Variants in PTPN1 observed in about 807,000 individuals in gnomAD.
PTPN1 encodes protein tyrosine phosphatase non-receptor type 1.
In PTPN1, 12 loss-of-function variants were observed where a neutral mutation model predicts 59.9. The observed-to-expected ratio is 0.20, with a 90% CI of 0.13 to 0.32. The LOEUF (loss-of-function observed/expected upper bound fraction) is 0.32. Among genes scored for constraint, PTPN1 ranks in the 10% least tolerant of loss-of-function variants. PTPN1 has a pLI of 1.00. For synonymous variants in PTPN1, 178 were observed against 203.6 expected (o/e 0.87, Z 1.07); for missense variants, 356 against 549.2 (o/e 0.65, Z 3.52).
intron 1 of PTPN1, among the ~76,000 whole-genome samples, chr20:50,551,932 T>C (rs1319577391): frequency 6.6e-6 from 1 of 152,252 alleles, no homozygotes; most frequent in Non-Finnish European, 1.5e-5. Flanking sequence ...TTTTGTTTTC[T>C]CTGTGGAAAT....
chr20:50,518,240 G>A (rs1410210360), intron 1 of PTPN1, among the ~76,000 whole-genome samples: 2 of 152,074 alleles, frequency 1.3e-5, no homozygotes, highest in African/African-American at 2.4e-5. Context: ...ACACTATTGC[G>A]AATTTCTTAC....
At chr20:50,579,984 AAC>A in intron 8 of PTPN1, 58 bp downstream of exon 8, 1 of 1,487,398 alleles carries the variant, frequency 6.7e-7, no homozygotes, top group Non-Finnish European at 9.3e-7. Flanking sequence ...CTGTTCTAGA[AAC>A]ACACGCTGGT....
rs193183879 is a variant in PTPN1, at chr20:50,540,085, C to T, written c.64-21278C>T. 3.9e-3 allele frequency among the ~76,000 whole-genome samples: 588 copies of T among 151,824 alleles called. 3 individuals carry two copies. The highest frequency in any genetic ancestry group is 0.014 in the African/African-American group (561 of 41,414). Reference sequence around the variant, plus strand: ...AAATTTTTTTTTCGAGACAGAGTTTCGCTCTTGTTGCCCAGGCTGGAGTGC... The same window carrying T: ...AAATTTTTTTTTCGAGACAGAGTTTTGCTCTTGTTGCCCAGGCTGGAGTGC... On this transcript the variant is annotated intron_variant, in intron 1 of 9. Transcript: ENST00000371621.
intron 1 of PTPN1, among the ~76,000 whole-genome samples, chr20:50,518,638 T>C (rs1273284251): frequency 4.6e-5 from 7 of 152,190 alleles, no homozygotes; most frequent in Non-Finnish European, 7.3e-5. Context: ...TTGTTGTTGT[T>C]GTCATTGTTT....
At chr20:50,543,429 A>G (rs969366721) in intron 1 of PTPN1, among the ~76,000 whole-genome samples, 2 of 152,194 alleles carry the variant, frequency 1.3e-5, no homozygotes, top group Non-Finnish European at 2.9e-5. Context: ...AACTCTATCT[A>G]ATTATAATAG....
At position 50,530,471 on chromosome 20, in the gene PTPN1, G is replaced by A. The variant is rs140611375; in HGVS notation, c.63+19881G>A. Among the ~76,000 whole-genome samples the A allele has an allele frequency of 8.0e-3, 1,224 of 152,108 alleles. 8 individuals carry two copies. Among genetic ancestry groups the A allele is most frequent in the Middle Eastern group, 0.014 (4 of 294 alleles). On this transcript the variant is annotated intron_variant, in intron 1 of 9. Transcript: ENST00000371621. ...CCTCCTAGGTTCAAGCGAATCTCCT[G>A]CCTCAGCCTCCTGAGTAGCTGGGAC...
At chr20:50,561,867 C>A (rs1456352132) in intron 2 of PTPN1, among the ~76,000 whole-genome samples, 1 of 152,178 alleles carries the variant, frequency 6.6e-6, no homozygotes, top group Non-Finnish European at 1.5e-5. Context: ...CTGTCGTCCC[C>A]TGCGCTGAAT....
At chr20:50,549,282 A>C (rs1387387851) in intron 1 of PTPN1, among the ~76,000 whole-genome samples, 2 of 152,208 alleles carry the variant, frequency 1.3e-5, no homozygotes, top group East Asian at 1.9e-4. Context: ...GTGGGTGTAC[A>C]TCAGAGTGTG....
At chr20:50,569,128 G>A (rs2082793956) in intron 4 of PTPN1, among the ~76,000 whole-genome samples, 1 of 152,148 alleles carries the variant, frequency 6.6e-6, no homozygotes, top group South Asian at 2.1e-4. Context: ...AGTTCATTTT[G>A]TACCATGCTT....
rs539796974 is a variant in PTPN1, at chr20:50,510,408, G to T, written c.-120G>T. 9.4e-7 allele frequency: 1 copy of T among 1,065,900 alleles called. No homozygotes were observed. The highest frequency in any genetic ancestry group is 1.7e-5 in the African/African-American group (1 of 60,054). 66.0% of individuals were successfully genotyped at this position (1,065,900 alleles called of 1,614,324 possible). A position where few individuals can be genotyped will look rare whatever the true frequency, so the allele number is the denominator to read the frequency against. On this transcript the variant is annotated 5_prime_UTR_variant, in exon 1 of 10. Transcript: ENST00000371621. ...ATGAAGAAGCAGCAGCGGCTAGGGC[G>T]GCGGTAGCTGCAGGGGTCGGGGATT...
intron 1 of PTPN1, among the ~76,000 whole-genome samples, chr20:50,532,997 A>G (rs887061416): frequency 4.7e-5 from 7 of 147,850 alleles, no homozygotes; most frequent in African/African-American, 1.7e-4. Flanking sequence ...GTCTGCAGGT[A>G]TTGCCCTGTT....
chr20:50,582,958 TGAAA>T lies in PTPN1; in HGVS notation c.*246_*249del. Reference sequence around the variant, plus strand: ...TCCACAAGCCATTTTTTGAGGAGAGTGAAAGAGAGTACCATGCTGGCGGCGCAGA... The same window carrying T: ...TCCACAAGCCATTTTTTGAGGAGAGTGAGAGTACCATGCTGGCGGCGCAGA... On this transcript the variant is annotated 3_prime_UTR_variant, in exon 10 of 10. Transcript: ENST00000371621. This position sits in a 1 kb window ranked among gnomAD's most constrained non-coding sequence, Gnocchi z 4.2. 5 of 584,374 alleles carry T rather than the reference TGAAA, an allele frequency of 8.6e-6. No homozygotes were observed. Among genetic ancestry groups the T allele is most frequent in the South Asian group, 2.0e-5 (1 of 49,452 alleles). 36.2% of individuals were successfully genotyped at this position (584,374 alleles called of 1,614,324 possible).
intron 1 of PTPN1, among the ~76,000 whole-genome samples, chr20:50,538,996 A>T (rs1451721341): frequency 1.5e-5 from 2 of 130,842 alleles, no homozygotes; most frequent in East Asian, 2.2e-4. Context: ...ACTAGTAAAT[A>T]TTAATGCTCA....
At position 50,510,505 on chromosome 20, in the gene PTPN1, C is replaced by T. The variant is rs780413071; in HGVS notation, c.-23C>T. ...ACGGCGCAGTGGGCCGAGAAGGAGG[C>T]GCAGCAGCCGCCCTGGCCCGTCATG... On this transcript the variant is annotated 5_prime_UTR_variant, in exon 1 of 10. Coordinates refer to ENST00000371621, the MANE Select transcript of PTPN1 (RefSeq NM_002827.4). The T allele has an allele frequency of 4.5e-6, 7 of 1,548,350 alleles. No individual in the cohort carries two copies. Among genetic ancestry groups the T allele is most frequent in the South Asian group, 3.6e-5 (3 of 83,766 alleles).
intron 1 of PTPN1, among the ~76,000 whole-genome samples, chr20:50,524,398 A>AT (rs1355367394): frequency 6.6e-6 from 1 of 152,016 alleles, no homozygotes; most frequent in African/African-American, 2.4e-5. Context: ...ATATGTAAAG[A>AT]TTTTTTAAAA....
intron 1 of PTPN1, among the ~76,000 whole-genome samples, chr20:50,534,985 C>T (rs577255123): frequency 2.6e-5 from 4 of 152,082 alleles, no homozygotes; most frequent in South Asian, 4.1e-4. Context: ...TGCCTTCAGG[C>T]GGTCCTCCTG....
At chr20:50,524,569 C>CTTGTTTTTTTTTTT (rs2082565193) in intron 1 of PTPN1, among the ~76,000 whole-genome samples, 1 of 45,782 alleles carries the variant, frequency 2.2e-5, no homozygotes, top group Non-Finnish European at 3.6e-5. Flanking sequence ...ATTATGTGGT[C>CTTGTTTTTTTTTTT]TTTTTTTTTT....
At chr20:50,542,907 AG>A (rs1417829115) in intron 1 of PTPN1, among the ~76,000 whole-genome samples, 1 of 152,244 alleles carries the variant, frequency 6.6e-6, no homozygotes, top group Non-Finnish European at 1.5e-5. Flanking sequence ...GAAAGAGATA[AG>A]AATACTTTTT....
In PTPN1 at chr20:50,583,415, G is replaced by GT. The variant is rs2082879951; in HGVS notation, c.*701dup. On this transcript the variant is annotated 3_prime_UTR_variant, in exon 10 of 10. Transcript: ENST00000371621. ...GTGGGTATTTAATAAGAAACATGAT[G>GT]TGAGATTACTTTGTCCCGCTTATTC... is the stretch of plus-strand genomic sequence containing the variant. 1 of 152,254 alleles carries GT rather than the reference G, an allele frequency of 6.6e-6. No homozygotes were observed. Among genetic ancestry groups the GT allele is most frequent in the Non-Finnish European group, 1.5e-5 (1 of 68,060 alleles). The allele number at this position is 152,254 out of a possible 1,614,324, so 9.4% of individuals were successfully genotyped here. A position where few individuals can be genotyped will look rare whatever the true frequency, so the allele number is the denominator to read the frequency against.
Sources: allele counts gnomAD v4.1 joint callset (sites outside exome capture counted in the v4.1 genomes callset), GRCh38; gene constraint gnomAD v4.1.1; non-coding constraint Gnocchi (gnomAD v3.1); transcripts MANE v1.5; gene names NCBI Gene and HGNC (gene_info 2026-07-23, HGNC 2026-07-21).